Variants in EYS observed in about 807,000 individuals in gnomAD.
EYS encodes protein eyes shut homolog.
In EYS, 250 loss-of-function variants were observed where a neutral mutation model predicts 282.1. That is an observed-to-expected ratio of 0.89 (90% confidence interval 0.80 to 0.98). The LOEUF is 0.98. EYS is among the 50% of genes least tolerant of loss of function. EYS has a pLI of 0.00. For missense variants in EYS, 4,016 were observed against 3,709.0 expected (o/e 1.08, Z -2.15); for synonymous variants, 1,355 against 1,282.9 (o/e 1.06, Z -1.20).
chr6:64,296,591 TATA>T (rs1273476192), intron 30 of EYS, among the ~76,000 whole-genome samples: 3 of 4,608 alleles, frequency 6.5e-4, no homozygotes, highest in Non-Finnish European at 9.6e-4. Flanking sequence ...TATACATATA[TATA>T]TATATTTTTT....
At chr6:65,627,138 T>C (rs554387679) in intron 2 of EYS, among the ~76,000 whole-genome samples, 1 of 152,282 alleles carries the variant, frequency 6.6e-6, no homozygotes, top group African/African-American at 2.4e-5. Flanking sequence ...ATGCACAGTA[T>C]TTACTTTAAG....
chr6:64,593,126 C>T lies in EYS; in HGVS notation c.3868G>A (p.Val1290Ile). 2 of 1,518,672 alleles carry T rather than the reference C, an allele frequency of 1.3e-6. No individual in the cohort carries two copies. The highest frequency in any genetic ancestry group is 1.8e-6 in the Non-Finnish European group (2 of 1,135,082). 94.1% of individuals were successfully genotyped at this position (1,518,672 alleles called of 1,614,324 possible). The change falls in exon 25 of 43, where the codon GTT (valine) becomes ATT (isoleucine). Residue 1290 changes from valine (V) to isoleucine (I), a missense_variant. Val to Ile is a conservative substitution (Grantham distance 29). Transcript: ENST00000503581. ...ACCCACTTCTACTTACCTTGATCAA[C>T]TGGGTAAGTGTCCATTATGGCTGGT... ...RIPAIMDTYP[V>I]DQGPKQTGIV...
chr6:65,386,742 A>C (rs1313895352), intron 7 of EYS, among the ~76,000 whole-genome samples: 1 of 152,004 alleles, frequency 6.6e-6, no homozygotes, highest in Non-Finnish European at 1.5e-5. Context: ...GAGCTACTCT[A>C]GGTGTCCAGC....
At chr6:64,031,667 C>A (rs1468964982) in intron 33 of EYS, among the ~76,000 whole-genome samples, 2 of 152,094 alleles carry the variant, frequency 1.3e-5, no homozygotes, top group African/African-American at 4.8e-5. Flanking sequence ...GTGTCTAGCT[C>A]AGGGTTTGTG....
chr6:64,747,051 G>T (rs1397135844), intron 22 of EYS, among the ~76,000 whole-genome samples: 1 of 152,136 alleles, frequency 6.6e-6, no homozygotes, highest in Non-Finnish European at 1.5e-5. Context: ...CACTCTGCAG[G>T]CCACCCATCT....
chr6:65,597,330 T>C (rs1765443597), intron 2 of EYS, among the ~76,000 whole-genome samples: 1 of 152,016 alleles, frequency 6.6e-6, no homozygotes, highest in Non-Finnish European at 1.5e-5. Context: ...CCCAGAGTAA[T>C]GTTCCATGGA....
At chr6:64,765,391 C>A (rs1053045328) in intron 22 of EYS, among the ~76,000 whole-genome samples, 7 of 152,196 alleles carry the variant, frequency 4.6e-5, no homozygotes, top group African/African-American at 1.4e-4. Flanking sequence ...AGCTTACCTG[C>A]ATCTTTCTGT....
chr6:64,772,573 C>T (rs948319856), intron 22 of EYS, among the ~76,000 whole-genome samples: 2 of 151,774 alleles, frequency 1.3e-5, no homozygotes, highest in South Asian at 2.1e-4. Context: ...TGTAGCCATG[C>T]TGTTGTGCTA....
chr6:64,295,500 GAAGAAAGAAGAAAGAAGA>G (rs1469830981), intron 30 of EYS, among the ~76,000 whole-genome samples: 7 of 18,228 alleles, frequency 3.8e-4, no homozygotes, highest in African/African-American at 2.4e-3. Flanking sequence ...GAAGAAGAAA[GAAGAAAGAAGAAAGAAGA>G]AAGAAGAAAG....
At chr6:63,876,629 G>C (rs894118142) in intron 35 of EYS, among the ~76,000 whole-genome samples, 1 of 152,044 alleles carries the variant, frequency 6.6e-6, no homozygotes, top group African/African-American at 2.4e-5. Flanking sequence ...GTGTCTAAGG[G>C]CTTGCTTTAT....
rs1767928687 is a variant in EYS at position 65,432,630 on chromosome 6, G to A, written c.863-27263C>T. Among the ~76,000 whole-genome samples the A allele has an allele frequency of 2.6e-5, 4 of 152,180 alleles. No individual in the cohort carries two copies. In the South Asian group the frequency reaches 8.3e-4, roughly 32 times the overall value. On this transcript the variant is annotated intron_variant, in intron 5 of 42. Transcript: ENST00000503581. ...GGAGACCAGGTCCAAAAGGAAAGGA[G>A]GTCAGACAATTTAGGTCCTTATAGG... is the stretch of plus-strand genomic sequence containing the variant.
chr6:65,513,174 A>T (rs528951151), intron 2 of EYS, among the ~76,000 whole-genome samples: 2 of 152,364 alleles, frequency 1.3e-5, no homozygotes, highest in African/African-American at 4.8e-5. Context: ...CTACGCAAAC[A>T]AACTAGAAAA....
intron 41 of EYS, among the ~76,000 whole-genome samples, chr6:63,753,460 T>G (rs1769396604): frequency 6.6e-6 from 1 of 152,060 alleles, no homozygotes; most frequent in Non-Finnish European, 1.5e-5. Context: ...AAATCTAGAT[T>G]TTAAAAAAAA....
rs115861716 is a variant in EYS, at chr6:63,849,494, A to G, written c.7228+14692T>C. ...GGATGAAGCATCTGGAAGAAGCTTT[A>G]CTATTCTGCAGACTCCACTGGTGAT... On this transcript the variant is annotated intron_variant, in intron 36 of 42. Coordinates refer to ENST00000503581, the MANE Select transcript of EYS (RefSeq NM_001142800.2). 8.2e-4 allele frequency among the ~76,000 whole-genome samples: 125 copies of G among 152,242 alleles called. 1 individual carries two copies. The highest frequency in any genetic ancestry group is 2.8e-3 in the African/African-American group (118 of 41,556).
intron 14 of EYS, among the ~76,000 whole-genome samples, chr6:64,958,021 T>C (rs1376531720): frequency 6.6e-6 from 1 of 152,166 alleles, no homozygotes; most frequent in Non-Finnish European, 1.5e-5. Context: ...AAACTTCTAA[T>C]ATTTTACATT....
At chr6:65,282,597 A>T (rs1459361350) in intron 12 of EYS, among the ~76,000 whole-genome samples, 1 of 152,022 alleles carries the variant, frequency 6.6e-6, no homozygotes, top group African/African-American at 2.4e-5. Flanking sequence ...AACTTGGAAA[A>T]TATAGCCAAT....
At chr6:63,907,061 G>A (rs1321916934) in intron 35 of EYS, among the ~76,000 whole-genome samples, 2 of 152,114 alleles carry the variant, frequency 1.3e-5, no homozygotes. Context: ...GCAGATCCAT[G>A]CCTGGACTCT....
At chr6:65,472,587 A>C (rs1765254834) in intron 5 of EYS, among the ~76,000 whole-genome samples, 1 of 152,016 alleles carries the variant, frequency 6.6e-6, no homozygotes, top group African/African-American at 2.4e-5. Context: ...AGGATCCAAT[A>C]ATATAGCACA....
chr6:65,658,861 G>C (rs912585829), intron 1 of EYS, among the ~76,000 whole-genome samples: 8 of 151,216 alleles, frequency 5.3e-5, no homozygotes, highest in Non-Finnish European at 1.2e-4. Context: ...GGGGATAAAG[G>C]AAAGAATACA....
Sources: gnomAD v4.1 joint callset for allele counts (sites outside exome capture counted in the v4.1 genomes callset) on GRCh38, gnomAD v4.1.1 for gene constraint, MANE v1.5 for transcripts, NCBI Gene and HGNC (gene_info 2026-07-23, HGNC 2026-07-21) for gene names.